Variants in FAT3 observed in about 807,000 individuals in gnomAD.
FAT3 encodes the protein FAT atypical cadherin 3, also known as protocadherin Fat 3.
Under a neutral mutation model 310.2 loss-of-function variants are expected in FAT3, and 95 were observed. That is an observed-to-expected ratio of 0.31 (90% CI 0.26 to 0.36). The LOEUF (loss-of-function observed/expected upper bound fraction) is 0.36. Ranked by LOEUF, FAT3 falls within the 10% of genes least tolerant of loss-of-function variation. The probability of loss-of-function intolerance (pLI) is 1.00; values close to 1 mark genes in which losing one functional copy is unlikely to be tolerated. For synonymous variants in FAT3, 2,314 were observed against 2,192.9 expected, an observed-to-expected ratio of 1.06 and a Z score of -1.54; for missense variants, 5,408 against 5,715.6, an observed-to-expected ratio of 0.95 and a Z score of 1.74.
intron 1 of FAT3, among the ~76,000 whole-genome samples, chr11:92,320,624 T>C (rs1947589485): frequency 6.6e-6 from 1 of 152,250 alleles, no homozygotes; most frequent in Admixed American, 6.5e-5. Flanking sequence ...TCCCAGCACT[T>C]TGGGAGGCCA....
At chr11:92,843,691 C>G (rs910953706) in intron 18 of FAT3, among the ~76,000 whole-genome samples, 1 of 152,168 alleles carries the variant, frequency 6.6e-6, no homozygotes, top group Non-Finnish European at 1.5e-5. Flanking sequence ...CTCTCTTCAC[C>G]CCAGCCGGCT....
intron 3 of FAT3, among the ~76,000 whole-genome samples, chr11:92,669,234 C>T (rs1300043590): frequency 6.6e-6 from 1 of 152,200 alleles, no homozygotes; most frequent in Non-Finnish European, 1.5e-5. Context: ...TTCTTTCACC[C>T]TTGAAGGCTT....
chr11:92,320,269 T>A (rs1323290498), intron 1 of FAT3, among the ~76,000 whole-genome samples: 1 of 152,098 alleles, frequency 6.6e-6, no homozygotes, highest in Non-Finnish European at 1.5e-5. Context: ...TTAGGCAGAG[T>A]CAGTTTATTT....
At chr11:92,531,437 G>A (rs1184602299) in intron 3 of FAT3, among the ~76,000 whole-genome samples, 1 of 152,132 alleles carries the variant, frequency 6.6e-6, no homozygotes, top group Non-Finnish European at 1.5e-5. Flanking sequence ...GGATGTGGAG[G>A]GCTGGGTCAG....
chr11:92,229,490 G>GTTTTTTTTTTTTTC, intron 1 of FAT3, among the ~76,000 whole-genome samples: 1 of 46,842 alleles, frequency 2.1e-5, no homozygotes, highest in African/African-American at 7.6e-5. Context: ...TTGTTTTTTC[G>GTTTTTTTTTTTTTC]TGTTTTTTTT....
At chr11:92,275,234 C>T (rs1427349296) in intron 1 of FAT3, among the ~76,000 whole-genome samples, 1 of 151,968 alleles carries the variant, frequency 6.6e-6, no homozygotes, top group Admixed American at 6.6e-5. Context: ...GGGATGCAGC[C>T]CTCTCCAAGA....
Position 92,890,540 on chromosome 11 carries a change from C to CA in FAT3, c.13198dup (p.Ile4400AsnfsTer8), listed in dbSNP as rs2136442807. 1 of 1,612,592 alleles carries CA rather than the reference C, an allele frequency of 6.2e-7. No individual in the cohort carries two copies. Among genetic ancestry groups the CA allele is most frequent in the East Asian group, 2.2e-5 (1 of 44,748 alleles). On this transcript the variant is annotated frameshift_variant, in exon 28 of 28. Transcript: ENST00000525166. LOFTEE classifies it high-confidence loss of function. ...GGATGCCAGGGGCCCGCCTGTCGGA[C>CA]ATAGAGGAAGTGCCCAACTATGAGA... is the stretch of plus-strand genomic sequence containing the variant.
intron 1 of FAT3, among the ~76,000 whole-genome samples, chr11:92,240,576 CAA>C (rs570423845): frequency 7.1e-6 from 1 of 140,704 alleles, no homozygotes; most frequent in Non-Finnish European, 1.6e-5. Flanking sequence ...GAAACCCCCC[CAA>C]AAAAAAAAAA....
At chr11:92,397,208 A>G (rs568415896) in intron 2 of FAT3, among the ~76,000 whole-genome samples, 55 of 152,104 alleles carry the variant, frequency 3.6e-4, no homozygotes, top group African/African-American at 1.3e-3. Context: ...GTCTTTATAT[A>G]TATAAAAAAA....
At chr11:92,766,778 G>C (rs544576359) in intron 6 of FAT3, 3 of 152,176 alleles carry the variant, frequency 2.0e-5, no homozygotes, top group Non-Finnish European at 4.4e-5. Flanking sequence ...AGCTCATTAA[G>C]ATATTATCTG....
intron 4 of FAT3, among the ~76,000 whole-genome samples, chr11:92,727,052 A>C (rs1945023177): frequency 6.6e-6 from 1 of 152,172 alleles, no homozygotes; most frequent in African/African-American, 2.4e-5. Context: ...AAATATTCAA[A>C]AGCTTTTAAA....
chr11:92,812,819 G>A (rs888940636), intron 13 of FAT3, among the ~76,000 whole-genome samples: 1 of 152,018 alleles, frequency 6.6e-6, no homozygotes, highest in African/African-American at 2.4e-5. Context: ...CACTTTACTT[G>A]CTTATTGATA....
intron 3 of FAT3, among the ~76,000 whole-genome samples, chr11:92,613,929 A>G (rs536001408): frequency 1.3e-5 from 2 of 152,302 alleles, no homozygotes; most frequent in African/African-American, 2.4e-5. Flanking sequence ...GACTTCAGCA[A>G]CCATATGTCT....
chr11:92,642,140 A>G (rs1449579324), intron 3 of FAT3, among the ~76,000 whole-genome samples: 1 of 152,216 alleles, frequency 6.6e-6, no homozygotes, highest in Non-Finnish European at 1.5e-5. Context: ...GCCTTTCAGA[A>G]CCTGAGGAAC....
At chr11:92,279,386 C>A (rs2508586) in intron 1 of FAT3, among the ~76,000 whole-genome samples, 1 of 152,030 alleles carries the variant, frequency 6.6e-6, no homozygotes, top group African/African-American at 2.4e-5. Flanking sequence ...GCTTAATATC[C>A]TTTGTATGTA....
intron 3 of FAT3, among the ~76,000 whole-genome samples, chr11:92,558,354 A>G (rs1210977110): frequency 6.6e-6 from 1 of 151,894 alleles, no homozygotes; most frequent in Non-Finnish European, 1.5e-5. Flanking sequence ...CAGAAGCCAA[A>G]GTGTGAGTGT....
intron 1 of FAT3, among the ~76,000 whole-genome samples, chr11:92,280,281 C>T (rs1200634447): frequency 1.3e-5 from 2 of 151,950 alleles, no homozygotes; most frequent in Non-Finnish European, 2.9e-5. Flanking sequence ...CAGCTATGAA[C>T]ATTGGGTATA....
intron 2 of FAT3, among the ~76,000 whole-genome samples, chr11:92,478,135 T>G (rs1050492868): frequency 6.6e-6 from 1 of 152,198 alleles, no homozygotes; most frequent in Non-Finnish European, 1.5e-5. Context: ...CCAAATAAAA[T>G]GTTTTCCTAG....
At chr11:92,643,154 C>A (rs924963310) in intron 3 of FAT3, among the ~76,000 whole-genome samples, 2 of 152,180 alleles carry the variant, frequency 1.3e-5, no homozygotes, top group African/African-American at 2.4e-5. Flanking sequence ...TGAACCTGAA[C>A]CTACTAACTG....
Sources: allele counts gnomAD v4.1 joint callset (sites outside exome capture counted in the v4.1 genomes callset), GRCh38; gene constraint gnomAD v4.1.1; transcripts MANE v1.5; gene names NCBI Gene and HGNC (gene_info 2026-07-23, HGNC 2026-07-21).